Variants in ERCC6L2 observed in about 807,000 individuals in gnomAD.
ERCC6L2 encodes the protein ERCC excision repair 6 like 2.
A neutral mutation model predicts 132.0 loss-of-function variants in ERCC6L2; 77 were observed. The ratio of observed to expected loss-of-function variants is 0.58; its 90% CI spans 0.49 to 0.71. The LOEUF is 0.71. Among genes scored for constraint, ERCC6L2 ranks in the 30% least tolerant of loss-of-function variants. The pLI, the probability that ERCC6L2 is intolerant of heterozygous loss-of-function variation, is 0.00. For synonymous variants in ERCC6L2, 583 were observed against 632.4 expected, an observed-to-expected ratio of 0.92 and a Z score of 1.17; for missense variants, 1,542 against 1,837.6, an observed-to-expected ratio of 0.84 and a Z score of 2.94.
chr9:95,899,958 T>C (rs1031627738), intron 3 of ERCC6L2, among the ~76,000 whole-genome samples: 15 of 152,230 alleles, frequency 9.9e-5, no homozygotes, highest in Admixed American at 9.8e-4. Context: ...AATCCACTGA[T>C]ATGAAACCCA....
At position 96,024,229 on chromosome 9, in the gene ERCC6L2, A is replaced by G. The variant is rs151181115; in HGVS notation, c.*1504-14647A>G. 6.1e-3 allele frequency among the ~76,000 whole-genome samples: 931 copies of G among 152,290 alleles called. 13 individuals carry two copies. The highest frequency in any genetic ancestry group is 0.022 in the African/African-American group (903 of 41,550). ...AGAGCAGCTTGCACCACGTAACCCC[A>G]AAGCTTTTCTGTAACTGATCAGAAG... On this transcript the variant is annotated intron_variant and NMD_transcript_variant, in intron 19 of 20. Transcript: ENST00000670016.
chr9:95,977,301 A>T (rs939870305), intron 16 of ERCC6L2, among the ~76,000 whole-genome samples: 1 of 152,190 alleles, frequency 6.6e-6, no homozygotes, highest in Admixed American at 6.5e-5. Flanking sequence ...TTGTGTTTGC[A>T]TGATTGGCAA....
At chr9:95,990,976 C>T (rs938889107) in intron 17 of ERCC6L2, among the ~76,000 whole-genome samples, 34 of 152,262 alleles carry the variant, frequency 2.2e-4, no homozygotes, top group African/African-American at 8.2e-4. Context: ...TGATCTTTCC[C>T]TGAAGCCTGG....
intron 9 of ERCC6L2, among the ~76,000 whole-genome samples, chr9:95,924,242 A>G (rs891575629): frequency 1.3e-5 from 2 of 152,078 alleles, no homozygotes; most frequent in Non-Finnish European, 2.9e-5. Flanking sequence ...GATCTAGATA[A>G]GTTCATCATG....
intron 12 of ERCC6L2, among the ~76,000 whole-genome samples, chr9:95,944,087 C>T (rs1830937158): frequency 6.6e-6 from 1 of 152,184 alleles, no homozygotes. Context: ...TTCATAGCAC[C>T]TGTATTCACA....
chr9:95,876,436 G>T (rs1827273796), intron 1 of ERCC6L2: 2 of 250,528 alleles, frequency 8.0e-6, no homozygotes, highest in Admixed American at 1.1e-4. Flanking sequence ...CCCATATTAA[G>T]CACTCAGTAA....
chr9:95,983,212 A>G (rs1832959659), intron 17 of ERCC6L2, among the ~76,000 whole-genome samples: 1 of 152,202 alleles, frequency 6.6e-6, no homozygotes, highest in Admixed American at 6.5e-5. Flanking sequence ...TATGTGAAGT[A>G]CCTGCCTTGA....
In ERCC6L2 at chr9:95,978,043, A is replaced by G. The variant is rs2133106938; in HGVS notation, c.3338-18A>G. 7.4e-7 allele frequency: 1 copy of G among 1,355,134 alleles called. No homozygotes were observed. Among genetic ancestry groups the G allele is most frequent in the African/African-American group, 1.5e-5 (1 of 67,240 alleles). The allele number at this position is 1,355,134 out of a possible 1,614,324, so 83.9% of individuals were successfully genotyped here. A position where few individuals can be genotyped will look rare whatever the true frequency, so the allele number is the denominator to read the frequency against. On this transcript the variant is annotated intron_variant, in intron 16 of 18. Coordinates refer to ENST00000653738, the MANE Select transcript of ERCC6L2 (RefSeq NM_020207.7). ...TTTATACTGATACATCACTTAATAA[A>G]CATAAATTACCTCCTAGATGGCGTT...
At chr9:95,933,286 C>T (rs1830418783) in intron 11 of ERCC6L2, among the ~76,000 whole-genome samples, 1 of 152,146 alleles carries the variant, frequency 6.6e-6, no homozygotes, top group African/African-American at 2.4e-5. Flanking sequence ...CTAACTTATC[C>T]ATTTTTTTAA....
chr9:95,915,600 G>A (rs1829544147), intron 4 of ERCC6L2, 68 bp from the exon 5 acceptor site: 2 of 1,454,264 alleles, frequency 1.4e-6, no homozygotes, highest in African/African-American at 1.4e-5. Flanking sequence ...GAAAGCTACT[G>A]TCTAAAATTG....
chr9:96,032,831 C>A (rs1489519137), intron 19 of ERCC6L2, among the ~76,000 whole-genome samples: 1 of 152,192 alleles, frequency 6.6e-6, no homozygotes, highest in Non-Finnish European at 1.5e-5. Flanking sequence ...TAGGTCAAAT[C>A]TCAAATTCTC....
intron 2 of ERCC6L2, among the ~76,000 whole-genome samples, chr9:95,882,223 T>C (rs1217978630): frequency 6.6e-6 from 1 of 152,212 alleles, no homozygotes; most frequent in East Asian, 1.9e-4. Flanking sequence ...TCTTTGGTGA[T>C]GTAATAACAC....
In ERCC6L2 at chr9:95,921,236, A is replaced by G; in HGVS notation, c.1220A>G (p.Glu407Gly). The change falls in exon 7 of 19, where the codon GAG (glutamate) becomes GGG (glycine). Residue 407 changes from glutamate to glycine, a missense_variant. This residue lies in a region of ERCC6L2 where 945 missense variants were observed against 1,105.2 expected (regional missense o/e 0.86). Transcript: ENST00000653738. ...KAVYQTVLET[E>G]DVTLILQSSE... ...GTCTATCAAACAGTGTTAGAAACAG[A>G]GGACGTGACTTTGATACTTCAATCT... 6 of 1,613,464 alleles carry G rather than the reference A, an allele frequency of 3.7e-6. No homozygotes were observed. Among genetic ancestry groups the G allele is most frequent in the Non-Finnish European group, 5.1e-6 (6 of 1,179,496 alleles).
At position 96,015,026 on chromosome 9, in the gene ERCC6L2, T is replaced by TG. The variant is rs1554763605; in HGVS notation, c.*1823_*1824insG. Among the ~76,000 whole-genome samples the TG allele has an allele frequency of 5.2e-4, 67 of 128,484 alleles. No homozygotes were observed. Among genetic ancestry groups the TG allele is most frequent in the African/African-American group, 2.0e-3 (65 of 32,098 alleles). 84.3% of individuals were successfully genotyped at this position (128,484 alleles called of 152,430 possible). Reference sequence around the variant, plus strand: ...TTCATATATGTACAGTTTTTTTTTTTTTTTTTTTTTTTTTGAGATTGAGTC... The same window carrying TG: ...TTCATATATGTACAGTTTTTTTTTTTGTTTTTTTTTTTTTTGAGATTGAGTC... On this transcript the variant is annotated 3_prime_UTR_variant, in exon 19 of 19. Transcript: ENST00000653738.
intron 3 of ERCC6L2, chr9:95,904,905 CG>C (rs774352063): frequency 1.3e-5 from 2 of 152,030 alleles, no homozygotes; most frequent in Non-Finnish European, 2.9e-5. Context: ...TTTAATAATA[CG>C]TAAGCAAATG....
rs1303131858 is a variant in ERCC6L2, at chr9:95,970,740, T to A, written c.2181+84T>A. On this transcript the variant is annotated intron_variant, in intron 15 of 18. Coordinates refer to ENST00000653738, the MANE Select transcript of ERCC6L2 (RefSeq NM_020207.7). ...TTGTTTCTTTTCCTTTTTCCTTAAT[T>A]TTATAACCTGTAAAAAAAAAAATTA... 1.4e-5 allele frequency: 14 copies of A among 1,018,554 alleles called. 1 individual carries two copies. The allele number at this position is 1,018,554 out of a possible 1,614,324, so 63.1% of individuals were successfully genotyped here.
At chr9:95,975,964 G>C (rs1832653504) in intron 16 of ERCC6L2, among the ~76,000 whole-genome samples, 1 of 151,886 alleles carries the variant, frequency 6.6e-6, no homozygotes, top group South Asian at 2.1e-4. Context: ...GTCTTTTTCT[G>C]TTTTGTGAGC....
At chr9:95,977,132 T>C (rs1373471897) in intron 16 of ERCC6L2, among the ~76,000 whole-genome samples, 2 of 152,202 alleles carry the variant, frequency 1.3e-5, no homozygotes, top group African/African-American at 4.8e-5. Context: ...ACTAATGCTA[T>C]TTTGAATAAT....
At chr9:95,990,922 G>A (rs567566812) in intron 17 of ERCC6L2, among the ~76,000 whole-genome samples, 2 of 152,292 alleles carry the variant, frequency 1.3e-5, no homozygotes, top group South Asian at 4.1e-4. Context: ...TTGAGCGGTG[G>A]GCGGCTCTCA....
Sources: gnomAD v4.1 joint callset for allele counts (sites outside exome capture counted in the v4.1 genomes callset) on GRCh38, gnomAD v4.1.1 for gene constraint, gnomAD v4.1.1 regional missense constraint, MANE v1.5 for transcripts, NCBI Gene and HGNC (gene_info 2026-07-23, HGNC 2026-07-21) for gene names.